PRDM16: variants seen among roughly 807,000 people sequenced by gnomAD.
PRDM16 encodes PR/SET domain 16.
PRDM16 carries 23 observed loss-of-function variants against 110.6 expected under a neutral mutation model. That is an observed-to-expected ratio of 0.21 (90% CI 0.15 to 0.29). The LOEUF (loss-of-function observed/expected upper bound fraction) is 0.29. PRDM16 is among the 10% of genes least tolerant of loss of function. The probability of loss-of-function intolerance (pLI) is 1.00; values close to 1 mark genes in which losing one functional copy is unlikely to be tolerated. For missense variants in PRDM16, 1,615 were observed against 1,794.3 expected, an observed-to-expected ratio of 0.90 and a Z score of 1.81; for synonymous variants, 799 against 781.8, an observed-to-expected ratio of 1.02 and a Z score of -0.37.
At chr1:3,164,399 A>G (rs985890035) in intron 1 of PRDM16, among the ~76,000 whole-genome samples, 7 of 152,216 alleles carry the variant, frequency 4.6e-5, no homozygotes, top group Non-Finnish European at 7.3e-5. Flanking sequence ...GCTTCTGGGA[A>G]CGATTTCCCA....
At chr1:3,179,502 G>A (rs748383899) in intron 1 of PRDM16, among the ~76,000 whole-genome samples, 12 of 152,232 alleles carry the variant, frequency 7.9e-5, no homozygotes, top group Non-Finnish European at 1.3e-4. Flanking sequence ...GGCTGGATGC[G>A]GGCACCTGAG....
intron 1 of PRDM16, among the ~76,000 whole-genome samples, chr1:3,140,207 C>T (rs899147695): frequency 3.3e-5 from 5 of 152,252 alleles, no homozygotes; most frequent in East Asian, 1.9e-4. Context: ...GCCGTTGCCA[C>T]GCATTTTTGT....
At chr1:3,129,985 C>T (rs550546078) in intron 1 of PRDM16, among the ~76,000 whole-genome samples, 1 of 152,202 alleles carries the variant, frequency 6.6e-6, no homozygotes, top group East Asian at 1.9e-4. Context: ...TGGGCCAAGG[C>T]GACCAGCTGG....
At chr1:3,212,259 G>A (rs921357946) in intron 2 of PRDM16, among the ~76,000 whole-genome samples, 7 of 152,156 alleles carry the variant, frequency 4.6e-5, no homozygotes, top group Admixed American at 2.6e-4. Context: ...CCTTTTATGC[G>A]GCCTTGTGCT....
At chr1:3,169,336 G>T (rs955965665) in intron 1 of PRDM16, among the ~76,000 whole-genome samples, 1 of 152,140 alleles carries the variant, frequency 6.6e-6, no homozygotes, top group Admixed American at 6.5e-5. Context: ...TCCTGAGGCT[G>T]ACCCAGAGCT....
rs1196435755 is a variant in PRDM16 at position 3,350,360 on chromosome 1, G to A, written c.439-34792G>A. Among the ~76,000 whole-genome samples the A allele has an allele frequency of 2.6e-5, 4 of 152,064 alleles. No homozygotes were observed. The East Asian group carries it at 7.7e-4, about 29-fold the overall frequency. ...AAAAGAAAAGATCTGGAAGTGGGAG[G>A]GGAGGCGGCTCTCTACCTCCAACCT... On this transcript the variant is annotated intron_variant, in intron 3 of 16. Transcript: ENST00000270722. The surrounding 1 kb of genome is among the most constrained non-coding windows in gnomAD (Gnocchi z 7.1).
intron 3 of PRDM16, among the ~76,000 whole-genome samples, chr1:3,263,542 C>T (rs1398513686): frequency 8.5e-5 from 13 of 152,224 alleles, no homozygotes. Flanking sequence ...ATGCAGCCAA[C>T]AGTGGCACAG....
At chr1:3,428,437 G>A (rs1027763763) in intron 14 of PRDM16, among the ~76,000 whole-genome samples, 7 of 152,326 alleles carry the variant, frequency 4.6e-5, no homozygotes, top group Admixed American at 4.6e-4. Context: ...TAGGGGTGGG[G>A]ACGAGGGAGG....
intron 3 of PRDM16, among the ~76,000 whole-genome samples, chr1:3,306,132 G>A (rs893229917): frequency 8.5e-5 from 13 of 152,202 alleles, no homozygotes; most frequent in Non-Finnish European, 1.8e-4. Context: ...CAAGCAAGGG[G>A]GAAGTACTCA....
intron 1 of PRDM16, among the ~76,000 whole-genome samples, chr1:3,096,304 C>G (rs965709788): frequency 6.6e-6 from 1 of 152,174 alleles, no homozygotes; most frequent in Non-Finnish European, 1.5e-5. Context: ...GTCCTGTCCT[C>G]TCTAGCCCCA....
rs12728419 is a variant in PRDM16, at chr1:3,437,186, C to T, written c.*3375C>T. 0.057 allele frequency: 13,306 copies of T among 232,230 alleles called. 519 individuals are homozygous for T. The highest frequency in any genetic ancestry group is 0.082 in the Non-Finnish European group (9,666 of 117,444). The allele number at this position is 232,230 out of a possible 1,614,324, so 14.4% of individuals were successfully genotyped here. A position where few individuals can be genotyped will look rare whatever the true frequency, so the allele number is the denominator to read the frequency against. ...GCGTGGTGTGGCCTGAGAGACTGCC[C>T]AGCTGGAGAGGCCTTCCTTTACAAG... On this transcript the variant is annotated 3_prime_UTR_variant, in exon 17 of 17. Coordinates refer to ENST00000270722, the MANE Select transcript of PRDM16 (RefSeq NM_022114.4).
At chr1:3,251,568 T>C (rs1179158924) in intron 3 of PRDM16, among the ~76,000 whole-genome samples, 2 of 152,036 alleles carry the variant, frequency 1.3e-5, no homozygotes, top group Non-Finnish European at 2.9e-5. Flanking sequence ...GGTGCACAGG[T>C]GCTGCCCTGG....
At chr1:3,073,651 C>T (rs1370437602) in intron 1 of PRDM16, among the ~76,000 whole-genome samples, 1 of 152,206 alleles carries the variant, frequency 6.6e-6, no homozygotes, top group African/African-American at 2.4e-5. Context: ...ACGGCGTGGG[C>T]CGGGTCGGGG....
Position 3,209,989 on chromosome 1 carries a change from T to C in PRDM16, c.387+23515T>C, listed in dbSNP as rs546376399. Reference sequence around the variant, plus strand: ...TTCTAGAGACATTTGCAGGAAGGTATTTGACACATTAAAGCCAATTTTCTT... The same window carrying C: ...TTCTAGAGACATTTGCAGGAAGGTACTTGACACATTAAAGCCAATTTTCTT... On this transcript the variant is annotated intron_variant, in intron 2 of 16. Transcript: ENST00000270722. This position sits in a 1 kb window ranked among gnomAD's most constrained non-coding sequence, Gnocchi z 4.6. Among the ~76,000 whole-genome samples, 2 of 152,352 alleles carry C rather than the reference T, an allele frequency of 1.3e-5. No individual in the cohort carries two copies. The highest frequency in any genetic ancestry group is 4.1e-4 in the South Asian group (2 of 4,828).
chr1:3,199,860 T>C (rs1473219332), intron 2 of PRDM16, among the ~76,000 whole-genome samples: 1 of 152,190 alleles, frequency 6.6e-6, no homozygotes. Flanking sequence ...CTGTCTCAAG[T>C]CTGAGCTCTC....
chr1:3,312,660 C>T (rs1049105312), intron 3 of PRDM16, among the ~76,000 whole-genome samples: 12 of 152,270 alleles, frequency 7.9e-5, no homozygotes, highest in African/African-American at 2.7e-4. Flanking sequence ...AACCCGGCCT[C>T]GGCCAAGCTG....
chr1:3,118,374 C>T (rs1252820212), intron 1 of PRDM16, among the ~76,000 whole-genome samples: 1 of 152,184 alleles, frequency 6.6e-6, no homozygotes, highest in Non-Finnish European at 1.5e-5. Flanking sequence ...CCCACCTGGC[C>T]CCTCGGAAGC....
intron 2 of PRDM16, among the ~76,000 whole-genome samples, chr1:3,200,758 C>T (rs71634327): frequency 1.7e-4 from 26 of 152,308 alleles, no homozygotes; most frequent in Non-Finnish European, 3.4e-4. Context: ...TCCTACCTTC[C>T]GCCAAGTGGA....
At chr1:3,122,516 T>G (rs1643115968) in intron 1 of PRDM16, among the ~76,000 whole-genome samples, 1 of 152,180 alleles carries the variant, frequency 6.6e-6, no homozygotes, top group African/African-American at 2.4e-5. Context: ...GGGGCCCACC[T>G]GGGGGCTGCG....
Sources: allele counts gnomAD v4.1 joint callset (sites outside exome capture counted in the v4.1 genomes callset), GRCh38; gene constraint gnomAD v4.1.1; non-coding constraint Gnocchi (gnomAD v3.1); transcripts MANE v1.5; gene names NCBI Gene and HGNC (gene_info 2026-07-23, HGNC 2026-07-21).